ARPP21: variants seen among roughly 807,000 people sequenced by gnomAD.
ARPP21 encodes cAMP-regulated phosphoprotein 21.
ARPP21 carries 69 observed loss-of-function variants against 113.2 expected under a neutral mutation model. That is an observed-to-expected ratio of 0.61 (90% CI 0.50 to 0.74). The LOEUF is 0.74. Ranked by LOEUF, ARPP21 falls within the 30% of genes least tolerant of loss-of-function variation. ARPP21 has a pLI of 0.00. For missense variants in ARPP21, 1,070 were observed against 1,037.4 expected (o/e 1.03, Z -0.43); for synonymous variants, 368 against 375.5 (o/e 0.98, Z 0.23).
At chr3:35,755,509 T>A (rs2095540953) in intron 19 of ARPP21, among the ~76,000 whole-genome samples, 1 of 152,112 alleles carries the variant, frequency 6.6e-6, no homozygotes, top group African/African-American at 2.4e-5. Context: ...TTCTTTTTCT[T>A]TCTATTCTGC....
intron 19 of ARPP21, chr3:35,781,550 C>T (rs548198079): frequency 1.3e-5 from 2 of 152,272 alleles, no homozygotes; most frequent in African/African-American, 2.4e-5. Flanking sequence ...AGTCTGCAGA[C>T]TTCTTATTGT....
At chr3:35,753,041 A>AGTGT (rs3086930) in intron 19 of ARPP21, among the ~76,000 whole-genome samples, 22,668 of 143,908 alleles carry the variant, frequency 0.16, 1,751 homozygotes, top group Non-Finnish European at 0.19. Flanking sequence ...TATGGCAGGA[A>AGTGT]GTGTGTGTGT....
At chr3:35,745,633 C>G (rs1460222300) in intron 19 of ARPP21, among the ~76,000 whole-genome samples, 1 of 152,160 alleles carries the variant, frequency 6.6e-6, no homozygotes, top group African/African-American at 2.4e-5. Context: ...AATATGATAA[C>G]TGGGCAACAG....
chr3:35,715,785 T>C (rs1248170514), intron 12 of ARPP21: 5 of 201,370 alleles, frequency 2.5e-5, no homozygotes, highest in Non-Finnish European at 4.1e-5. Context: ...ATAATAAATA[T>C]GGAGACATCA....
intron 7 of ARPP21, among the ~76,000 whole-genome samples, chr3:35,689,832 A>G (rs2081723349): frequency 6.6e-6 from 1 of 151,610 alleles, no homozygotes; most frequent in South Asian, 2.1e-4. Flanking sequence ...AATTAACATT[A>G]AGACTACAAA....
intron 19 of ARPP21, among the ~76,000 whole-genome samples, chr3:35,779,637 C>T (rs1559940751): frequency 1.3e-5 from 2 of 151,726 alleles, no homozygotes; most frequent in Non-Finnish European, 2.9e-5. Flanking sequence ...AGTAATACCA[C>T]CTCAAGGAGG....
chr3:35,716,143 A>G (rs534180861), intron 12 of ARPP21, among the ~76,000 whole-genome samples: 3 of 152,114 alleles, frequency 2.0e-5, no homozygotes, highest in Non-Finnish European at 4.4e-5. Context: ...ATCATTCTAA[A>G]TTGACATATA....
intron 19 of ARPP21, among the ~76,000 whole-genome samples, chr3:35,778,483 C>G (rs1014700548): frequency 6.6e-6 from 1 of 152,182 alleles, no homozygotes; most frequent in Admixed American, 6.5e-5. Flanking sequence ...AGCCCCTCCT[C>G]TCAGCTCTTG....
chr3:35,791,618 TAA>T (rs926019028), intron 19 of ARPP21, among the ~76,000 whole-genome samples: 16 of 151,932 alleles, frequency 1.1e-4, no homozygotes, highest in African/African-American at 3.9e-4. Context: ...CCTAAAAAAA[TAA>T]AAAAAGACAA....
chr3:35,782,171 C>A (rs1011200172), intron 19 of ARPP21, among the ~76,000 whole-genome samples: 2 of 152,100 alleles, frequency 1.3e-5, no homozygotes, highest in Non-Finnish European at 2.9e-5. Flanking sequence ...CTTACTGAAG[C>A]CTGTTTCAGT....
chr3:35,668,021 A>AAGGAGAAGGAGAAGG (rs1254639006), intron 1 of ARPP21, among the ~76,000 whole-genome samples: 23 of 134,812 alleles, frequency 1.7e-4, no homozygotes, highest in African/African-American at 4.9e-4. Context: ...GAAGAAGAAG[A>AAGGAGAAGGAGAAGG]AGAAGAAGAA....
intron 9 of ARPP21, among the ~76,000 whole-genome samples, chr3:35,699,685 A>G (rs2085520353): frequency 6.6e-6 from 1 of 151,706 alleles, no homozygotes; most frequent in Non-Finnish European, 1.5e-5. Flanking sequence ...TTTTATTTAC[A>G]CGTACCAAAA....
intron 19 of ARPP21, among the ~76,000 whole-genome samples, chr3:35,745,607 A>T (rs2094983786): frequency 6.6e-6 from 1 of 152,176 alleles, no homozygotes; most frequent in Non-Finnish European, 1.5e-5. Context: ...ATGTGAGGGG[A>T]TGAGAAAGTT....
chr3:35,781,210 T>G (rs2096519977), intron 19 of ARPP21, among the ~76,000 whole-genome samples: 1 of 152,188 alleles, frequency 6.6e-6, no homozygotes. Context: ...AAAATACTCA[T>G]GGCTTCATTT....
At chr3:35,786,902 T>A (rs1206733079) in intron 19 of ARPP21, among the ~76,000 whole-genome samples, 1 of 152,182 alleles carries the variant, frequency 6.6e-6, no homozygotes, top group Non-Finnish European at 1.5e-5. Context: ...GACTCCTCTT[T>A]CACCAAACCA....
chr3:35,692,821 G>A (rs2082632232), intron 9 of ARPP21, among the ~76,000 whole-genome samples: 1 of 151,448 alleles, frequency 6.6e-6, no homozygotes, highest in Non-Finnish European at 1.5e-5. Flanking sequence ...TTAAAATTCA[G>A]TTCCTCTATC....
rs1032305312 is a variant in ARPP21, at chr3:35,690,225, G to A, written c.545+85G>A. 6.6e-6 allele frequency: 5 copies of A among 756,286 alleles called. No homozygotes were observed. The African/African-American group carries it at 8.7e-5, about 13-fold the overall frequency. 46.8% of individuals were successfully genotyped at this position (756,286 alleles called of 1,614,324 possible). On this transcript the variant is annotated intron_variant, in intron 8 of 20. Transcript: ENST00000684406. ...AAATTGTCCATTCTGGAAAGACTTA[G>A]GGATAGACAAAACATTGTTTAATAT...
intron 5 of ARPP21, chr3:35,685,343 G>A (rs2149523910): frequency 1.1e-5 from 11 of 985,342 alleles, no homozygotes; most frequent in Non-Finnish European, 1.1e-5. Context: ...AGGAGAGAAT[G>A]AGAGCCTGCA....
chr3:35,778,081 G>GA (rs2096423768), intron 19 of ARPP21, among the ~76,000 whole-genome samples: 1 of 152,234 alleles, frequency 6.6e-6, no homozygotes, highest in East Asian at 1.9e-4. Context: ...TTTCTGAGGG[G>GA]AAAAAAGTCT....
Sources: gnomAD v4.1 joint callset for allele counts (sites outside exome capture counted in the v4.1 genomes callset) on GRCh38, gnomAD v4.1.1 for gene constraint, MANE v1.5 for transcripts, NCBI Gene and HGNC (gene_info 2026-07-23, HGNC 2026-07-21) for gene names.